Variants in KLF7 observed in about 807,000 individuals in gnomAD.
KLF7 encodes KLF transcription factor 7.
In KLF7, 2 loss-of-function variants were observed where a neutral mutation model predicts 27.3. The observed-to-expected ratio is 0.07, with a 90% confidence interval of 0.03 to 0.23. The LOEUF is 0.23. KLF7 is among the 10% of genes least tolerant of loss of function. The probability of loss-of-function intolerance (pLI) is 1.00; values close to 1 mark genes in which losing one functional copy is unlikely to be tolerated. For missense variants in KLF7, 221 were observed against 394.1 expected (o/e 0.56, Z 3.72); for synonymous variants, 165 against 162.4 (o/e 1.02, Z -0.12).
intron 1 of KLF7, among the ~76,000 whole-genome samples, chr2:207,151,400 G>C (rs192287965): frequency 3.3e-5 from 5 of 152,100 alleles, no homozygotes; most frequent in South Asian, 2.1e-4. Context: ...AGGAGGGCAG[G>C]GGGGAGGGAT....
At chr2:207,118,204 G>A (rs1194891619) in intron 2 of KLF7, among the ~76,000 whole-genome samples, 2 of 152,126 alleles carry the variant, frequency 1.3e-5, no homozygotes, top group Non-Finnish European at 2.9e-5. Context: ...GATAGGGACA[G>A]AATATTAACA....
intron 3 of KLF7, among the ~76,000 whole-genome samples, chr2:207,086,071 G>C (rs981985356): frequency 6.6e-6 from 1 of 151,492 alleles, no homozygotes; most frequent in African/African-American, 2.4e-5. Flanking sequence ...CGTTAGACTT[G>C]GTACATGCTT....
At chr2:207,126,826 A>AT (rs1055172257) in intron 1 of KLF7, among the ~76,000 whole-genome samples, 5 of 151,248 alleles carry the variant, frequency 3.3e-5, no homozygotes, top group Non-Finnish European at 5.9e-5. Flanking sequence ...AAAAAAAAAA[A>AT]TCAGCTGACT....
rs76497491 is a variant in KLF7, at chr2:207,097,372, C to A, written c.734-8791G>T. On this transcript the variant is annotated intron_variant, in intron 2 of 3. Transcript: ENST00000309446. The stretch of plus-strand genomic sequence containing the variant: ...CCAAATGAATAAAAAGTGTTATTAA[C>A]GGTGTTTGTTATTAAAGTTGCTATT... Among the ~76,000 whole-genome samples, 1,291 of 152,166 alleles carry A rather than the reference C, an allele frequency of 8.5e-3. 38 individuals carry two copies. The East Asian group carries it at 0.088, about 10-fold the overall frequency.
At chr2:207,096,130 G>GT (rs2076622686) in intron 2 of KLF7, among the ~76,000 whole-genome samples, 2 of 152,122 alleles carry the variant, frequency 1.3e-5, no homozygotes, top group Non-Finnish European at 2.9e-5. Flanking sequence ...ACCCGTGGTA[G>GT]AAGCACTCTC....
At chr2:207,104,481 T>A (rs982210723) in intron 2 of KLF7, among the ~76,000 whole-genome samples, 1 of 152,246 alleles carries the variant, frequency 6.6e-6, no homozygotes, top group East Asian at 1.9e-4. Flanking sequence ...TAGGGTTTTT[T>A]AAATCCAAGT....
intron 2 of KLF7, among the ~76,000 whole-genome samples, chr2:207,122,564 T>C (rs1482149704): frequency 6.6e-6 from 1 of 152,004 alleles, no homozygotes; most frequent in Non-Finnish European, 1.5e-5. Context: ...ATGTGGAAAA[T>C]GAGGCCTGGT....
intron 1 of KLF7, among the ~76,000 whole-genome samples, chr2:207,133,104 C>A (rs1476156759): frequency 6.6e-6 from 1 of 152,206 alleles, no homozygotes; most frequent in Non-Finnish European, 1.5e-5. Flanking sequence ...TTATGCAGAG[C>A]TGGGGCCTAG....
rs59847589 is a variant in KLF7, at chr2:207,081,061, A to ATGTGTGTGTG, written c.*142_*151dup. 23 of 671,232 alleles carry ATGTGTGTGTG rather than the reference A, an allele frequency of 3.4e-5. No homozygotes were observed. Among genetic ancestry groups the ATGTGTGTGTG allele is most frequent in the African/African-American group, 9.0e-5 (5 of 55,540 alleles). The allele number at this position is 671,232 out of a possible 1,614,324, so 41.6% of individuals were successfully genotyped here. On this transcript the variant is annotated 3_prime_UTR_variant, in exon 4 of 4. Transcript: ENST00000309446. ...TGTGTGGGTCTGTGAGTGTGTGTAT[A>ATGTGTGTGTG]TGTGTGTGTGTGTGTGTGTGTGTAC...
rs2076210935 is a variant in KLF7, at chr2:207,078,337, A to T, written c.*2876T>A. On this transcript the variant is annotated 3_prime_UTR_variant, in exon 4 of 4. Transcript: ENST00000309446. Reference sequence around the variant, plus strand: ...GCAGATTACAAAGGACCTCACTGATACAAAAGAGAGAGAAATTACTGAACA... The same window carrying T: ...GCAGATTACAAAGGACCTCACTGATTCAAAAGAGAGAGAAATTACTGAACA... 6.6e-6 allele frequency: 1 copy of T among 152,250 alleles called. No individual in the cohort carries two copies. Among genetic ancestry groups the T allele is most frequent in the Non-Finnish European group, 1.5e-5 (1 of 68,040 alleles). The allele number at this position is 152,250 out of a possible 1,614,324, so 9.4% of individuals were successfully genotyped here.
At chr2:207,137,100 T>C (rs765581864) in intron 1 of KLF7, among the ~76,000 whole-genome samples, 26 of 147,960 alleles carry the variant, frequency 1.8e-4, no homozygotes, top group African/African-American at 2.5e-4. Context: ...CTCACCTGCA[T>C]AATGACTGCT....
chr2:207,162,338 G>C (rs957642100), intron 1 of KLF7, among the ~76,000 whole-genome samples: 2 of 152,272 alleles, frequency 1.3e-5, no homozygotes, highest in East Asian at 1.9e-4. Flanking sequence ...TTTTCAAAGC[G>C]CTTAAGGCTG....
chr2:207,166,928 C>A (rs2078731290), upstream of KLF7: 2 of 995,164 alleles, frequency 2.0e-6, no homozygotes, highest in South Asian at 4.7e-5. Context: ...AGTCCCCGCC[C>A]CGCCCCGCGG....
intron 2 of KLF7, among the ~76,000 whole-genome samples, chr2:207,101,378 G>A (rs980235770): frequency 6.6e-6 from 1 of 152,180 alleles, no homozygotes; most frequent in African/African-American, 2.4e-5. Context: ...GTGGACATGT[G>A]AAACAGAAAA....
intron 2 of KLF7, chr2:207,121,989 C>T (rs2543596): frequency 0.34 from 51,648 of 152,122 alleles, 8,882 homozygotes; most frequent in Non-Finnish European, 0.35. Flanking sequence ...AACATTCTTG[C>T]CCTTTTCTGC....
At chr2:207,166,209 G>A, upstream of KLF7, 1 of 983,958 alleles carries the variant, frequency 1.0e-6, no homozygotes. Flanking sequence ...TAAACAGGGG[G>A]CTCATGAAGT....
At chr2:207,166,180 C>T (rs1317724900), upstream of KLF7, 1 of 985,820 alleles carries the variant, frequency 1.0e-6, no homozygotes, top group African/African-American at 1.8e-5. Flanking sequence ...TCCATTAGGC[C>T]GCGTGTGACC....
intron 2 of KLF7, among the ~76,000 whole-genome samples, chr2:207,108,662 G>A (rs1228586451): frequency 6.6e-6 from 1 of 152,182 alleles, no homozygotes; most frequent in Non-Finnish European, 1.5e-5. Flanking sequence ...GTGCTTTTCT[G>A]AATTCAGAGG....
chr2:207,167,221 T>C (rs576480600), upstream of KLF7: 1 of 1,251,818 alleles, frequency 8.0e-7, no homozygotes, highest in South Asian at 1.9e-5. Context: ...AGTTGGGATG[T>C]AGACATAGAG....
Sources: allele counts gnomAD v4.1 joint callset (sites outside exome capture counted in the v4.1 genomes callset), GRCh38; gene constraint gnomAD v4.1.1; transcripts MANE v1.5; gene names NCBI Gene and HGNC (gene_info 2026-07-23, HGNC 2026-07-21).